CNTNAP5: variants seen among roughly 807,000 people sequenced by gnomAD.
The protein encoded by CNTNAP5 is contactin associated protein family member 5, also known as contactin-associated protein-like 5.
Under a neutral mutation model 150.2 loss-of-function variants are expected in CNTNAP5, and 72 were observed. That is an observed-to-expected ratio of 0.48 (90% CI 0.40 to 0.58). The LOEUF (loss-of-function observed/expected upper bound fraction) is 0.58. Among genes scored for constraint, CNTNAP5 ranks in the 20% least tolerant of loss-of-function variants. The probability of loss-of-function intolerance (pLI) is 0.00; values close to 1 mark genes in which losing one functional copy is unlikely to be tolerated. For missense variants in CNTNAP5, 1,636 were observed against 1,626.2 expected (o/e 1.01, Z -0.10); for synonymous variants, 672 against 619.8 (o/e 1.08, Z -1.25).
intron 3 of CNTNAP5, among the ~76,000 whole-genome samples, chr2:124,259,208 T>C (rs78351802): frequency 0.17 from 25,314 of 152,090 alleles, 2,449 homozygotes; most frequent in Non-Finnish European, 0.23. Flanking sequence ...TACCGCTGCA[T>C]AGTATTCCAT....
chr2:124,774,500 G>A (rs1203611119), intron 17 of CNTNAP5, among the ~76,000 whole-genome samples: 1 of 152,080 alleles, frequency 6.6e-6, no homozygotes, highest in Non-Finnish European at 1.5e-5. Context: ...ACAGTTTTGT[G>A]ATTGCAAGTC....
At chr2:124,576,472 T>C (rs1466629480) in intron 11 of CNTNAP5, among the ~76,000 whole-genome samples, 1 of 152,182 alleles carries the variant, frequency 6.6e-6, no homozygotes, top group East Asian at 1.9e-4. Context: ...TTACATAACA[T>C]ATGCAGATTA....
At chr2:124,834,263 C>T (rs1033329044) in intron 19 of CNTNAP5, among the ~76,000 whole-genome samples, 2 of 152,156 alleles carry the variant, frequency 1.3e-5, no homozygotes, top group Non-Finnish European at 2.9e-5. Context: ...CATTCTAAAG[C>T]TGATGTCTAG....
chr2:124,821,043 C>T (rs1002091442), intron 19 of CNTNAP5, among the ~76,000 whole-genome samples: 3 of 152,210 alleles, frequency 2.0e-5, no homozygotes, highest in Admixed American at 6.5e-5. Context: ...TTCCCAACAT[C>T]GCCAGGCAGG....
At chr2:124,759,938 CTTTTTTTT>C (rs571408475) in intron 14 of CNTNAP5, among the ~76,000 whole-genome samples, 1 of 83,646 alleles carries the variant, frequency 1.2e-5, no homozygotes, top group African/African-American at 4.6e-5. Context: ...ACTCCTCGGT[CTTTTTTTT>C]TTTTTTTTTT....
intron 1 of CNTNAP5, among the ~76,000 whole-genome samples, chr2:124,178,957 T>G (rs965600871): frequency 2.1e-5 from 3 of 143,448 alleles, no homozygotes; most frequent in Admixed American, 7.1e-5. Flanking sequence ...TTTATTTATT[T>G]TGTGTGTGTG....
chr2:124,474,668 C>A, intron 6 of CNTNAP5, 71 bp from the exon 7 acceptor site: 1 of 1,331,208 alleles, frequency 7.5e-7, no homozygotes. Flanking sequence ...CAAAAACGCA[C>A]GTGTTTACTT....
At chr2:124,396,315 C>T (rs1691242389) in intron 3 of CNTNAP5, among the ~76,000 whole-genome samples, 1 of 152,132 alleles carries the variant, frequency 6.6e-6, no homozygotes, top group Admixed American at 6.5e-5. Context: ...GGTACAAATA[C>T]GTTTATCCAG....
intron 1 of CNTNAP5, among the ~76,000 whole-genome samples, chr2:124,169,049 C>T (rs920758334): frequency 2.6e-5 from 4 of 152,022 alleles, no homozygotes; most frequent in Non-Finnish European, 5.9e-5. Flanking sequence ...TATTTCTATT[C>T]GGAGCACTGC....
chr2:124,708,497 A>G lies in CNTNAP5; in HGVS notation c.2078-38732A>G, dbSNP rs530099173. On this transcript the variant is annotated intron_variant, in intron 13 of 23. Coordinates refer to ENST00000682447, the MANE Select transcript of CNTNAP5 (RefSeq NM_001367498.1). ...GGCGGACATGGGAACCTGGCAGTGC[A>G]ATCTGCAGGGACAAAGAAGCCAAAC... 2.6e-5 allele frequency among the ~76,000 whole-genome samples: 4 copies of G among 152,188 alleles called. No homozygotes were observed. In the East Asian group the frequency reaches 5.8e-4, roughly 22 times the overall value.
chr2:124,173,818 T>C (rs979773011), intron 1 of CNTNAP5, among the ~76,000 whole-genome samples: 6 of 152,218 alleles, frequency 3.9e-5, no homozygotes, highest in African/African-American at 1.4e-4. Flanking sequence ...CAAAACAGCC[T>C]TTCTTTTGGA....
intron 7 of CNTNAP5, among the ~76,000 whole-genome samples, chr2:124,489,392 C>T (rs917264245): frequency 6.6e-6 from 1 of 152,114 alleles, no homozygotes; most frequent in African/African-American, 2.4e-5. Flanking sequence ...TGTCTGTGTC[C>T]TAATATCATT....
chr2:124,805,002 T>C (rs57887748), intron 19 of CNTNAP5, among the ~76,000 whole-genome samples: 8 of 149,704 alleles, frequency 5.3e-5, no homozygotes, highest in Non-Finnish European at 1.0e-4. Context: ...TACTCCTCTT[T>C]GTATGAAATA....
chr2:124,090,272 T>C (rs1682783627), intron 1 of CNTNAP5, among the ~76,000 whole-genome samples: 2 of 152,148 alleles, frequency 1.3e-5, no homozygotes, highest in African/African-American at 4.8e-5. Flanking sequence ...TTCTGACCTT[T>C]CTCAAAATAA....
At chr2:124,058,506 C>T (rs1223525609) in intron 1 of CNTNAP5, among the ~76,000 whole-genome samples, 1 of 152,158 alleles carries the variant, frequency 6.6e-6, no homozygotes, top group African/African-American at 2.4e-5. Flanking sequence ...CCCCTCTGAT[C>T]TTAGATAAGT....
intron 20 of CNTNAP5, among the ~76,000 whole-genome samples, chr2:124,868,326 C>A (rs890015846): frequency 2.0e-5 from 3 of 152,154 alleles, no homozygotes. Context: ...TTTCTGGTTG[C>A]TTCTCTAACC....
At chr2:124,864,472 TC>T (rs138362772) in intron 19 of CNTNAP5, among the ~76,000 whole-genome samples, 10,299 of 152,122 alleles carry the variant, frequency 0.068, 1,069 homozygotes, top group African/African-American at 0.23. Context: ...TCTAGCTTAA[TC>T]TTATTTCCCT....
At chr2:124,113,051 G>A (rs1683334673) in intron 1 of CNTNAP5, among the ~76,000 whole-genome samples, 1 of 152,168 alleles carries the variant, frequency 6.6e-6, no homozygotes, top group Non-Finnish European at 1.5e-5. Flanking sequence ...GCCTGTGAAT[G>A]TAAGTATATC....
At chr2:124,220,092 A>C (rs1432641235) in intron 1 of CNTNAP5, among the ~76,000 whole-genome samples, 1 of 152,058 alleles carries the variant, frequency 6.6e-6, no homozygotes, top group African/African-American at 2.4e-5. Flanking sequence ...GTTAGTTAAA[A>C]TACTGCTAAG....
Sources: allele counts gnomAD v4.1 joint callset (sites outside exome capture counted in the v4.1 genomes callset), GRCh38; gene constraint gnomAD v4.1.1; transcripts MANE v1.5; gene names NCBI Gene and HGNC (gene_info 2026-07-23, HGNC 2026-07-21).